The following TFEC variants were observed in gnomAD, a reference collection of about 807,000 sequenced individuals.
TFEC encodes the protein transcription factor EC.
Under a neutral mutation model 41.6 loss-of-function variants are expected in TFEC, and 31 were observed. The observed-to-expected ratio is 0.74, with a 90% confidence interval of 0.56 to 1.01. The LOEUF is 1.01. Ranked by LOEUF, TFEC falls within the 50% of genes least tolerant of loss-of-function variation. The probability of loss-of-function intolerance (pLI) is 0.00; values close to 1 mark genes in which losing one functional copy is unlikely to be tolerated. For synonymous variants in TFEC, 143 were observed against 140.6 expected, an observed-to-expected ratio of 1.02 and a Z score of -0.12; for missense variants, 402 against 404.1, an observed-to-expected ratio of 0.99 and a Z score of 0.04.
intron 3 of TFEC, among the ~76,000 whole-genome samples, chr7:116,101,091 T>C (rs901621770): frequency 7.2e-5 from 11 of 152,262 alleles, no homozygotes; most frequent in African/African-American, 2.6e-4. Flanking sequence ...CATTGCCTTT[T>C]TGGTATAAAC....
In TFEC at chr7:115,941,932, T is replaced by C. The variant is rs1442004016; in HGVS notation, c.624A>G (p.Lys208=). 28 of 1,613,204 alleles carry C rather than the reference T, an allele frequency of 1.7e-5. No homozygotes were observed. Among genetic ancestry groups the C allele is most frequent in the Admixed American group, 5.0e-5 (3 of 59,910 alleles). ...GAAGTCGCCTGTTAGCCTGCTCTAATTTCTTCTGTCTGTGTTCCAATTCTC... is the reference window on the plus strand; with the variant it reads ...GAAGTCGCCTGTTAGCCTGCTCTAACTTCTTCTGTCTGTGTTCCAATTCTC... The part of the protein sequence containing the change: ...RARELEHRQK[K]LEQANRRLLL... The change falls in exon 7 of 8, where the codon AAA becomes AAG. Residue 208 remains lysine, a synonymous_variant. Transcript: ENST00000265440.
At chr7:116,111,073 T>C in intron 2 of TFEC, 1 of 432,358 alleles carries the variant, frequency 2.3e-6, no homozygotes, top group Non-Finnish European at 4.0e-6. Flanking sequence ...TTAATGGTTA[T>C]GGTTCATCCA....
At chr7:116,092,414 T>C (rs984295884) in intron 3 of TFEC, among the ~76,000 whole-genome samples, 5 of 152,202 alleles carry the variant, frequency 3.3e-5, no homozygotes, top group Non-Finnish European at 7.4e-5. Flanking sequence ...CAAAAATCTT[T>C]GCAAATACAT....
intron 1 of TFEC, among the ~76,000 whole-genome samples, chr7:116,135,366 T>G (rs1798414200): frequency 6.6e-6 from 1 of 152,148 alleles, no homozygotes. Flanking sequence ...GTTCAAAAGT[T>G]GTACGATTAC....
rs1343125137 is a variant in TFEC, at chr7:115,940,607, A to C, written c.988T>G (p.Ser330Ala). The C allele has an allele frequency of 6.2e-7, 1 of 1,613,272 alleles. No homozygotes were observed. The highest frequency in any genetic ancestry group is 8.5e-7 in the Non-Finnish European group (1 of 1,179,610). Residue 330 changes from serine (S) to alanine (A), a missense_variant, in exon 8 of 8, where the codon TCC (serine) becomes GCC (alanine). Ser to Ala is a moderately conservative substitution (Grantham distance 99). Coordinates refer to ENST00000265440, the MANE Select transcript of TFEC (RefSeq NM_012252.4). ...PLLSATSPAV[S>A]KESSRRSSFS... ...CTACTTCTCCTACTGCTTTCTTTGG[A>C]AACTGCAGGGGAAGTGGCAGATAGC...
At chr7:115,962,340 A>G (rs1562893574) in intron 3 of TFEC, among the ~76,000 whole-genome samples, 1 of 151,804 alleles carries the variant, frequency 6.6e-6, no homozygotes, top group Non-Finnish European at 1.5e-5. Flanking sequence ...AGAAAAATGC[A>G]TTTTAAATTC....
intron 1 of TFEC, among the ~76,000 whole-genome samples, chr7:116,142,283 A>G (rs919362896): frequency 8.5e-5 from 13 of 152,156 alleles, no homozygotes; most frequent in African/African-American, 2.9e-4. Flanking sequence ...CTAGCCATAA[A>G]CTCGTAGAGG....
intron 3 of TFEC, among the ~76,000 whole-genome samples, chr7:116,059,313 C>A (rs533527959): frequency 1.3e-5 from 2 of 151,674 alleles, no homozygotes; most frequent in Non-Finnish European, 1.5e-5. Context: ...AAATAGATAA[C>A]CTAAATAATC....
chr7:116,109,288 C>T (rs1290386676), intron 3 of TFEC, among the ~76,000 whole-genome samples: 2 of 152,102 alleles, frequency 1.3e-5, no homozygotes, highest in African/African-American at 4.8e-5. Flanking sequence ...AAACAGGCAA[C>T]CTACAGAATG....
At chr7:116,096,328 G>C (rs1554418561) in intron 3 of TFEC, among the ~76,000 whole-genome samples, 1 of 152,074 alleles carries the variant, frequency 6.6e-6, no homozygotes, top group East Asian at 1.9e-4. Flanking sequence ...CTTCATACTT[G>C]TCAAATAGTC....
chr7:115,976,324 C>G (rs985519767), intron 2 of TFEC, among the ~76,000 whole-genome samples: 1 of 152,048 alleles, frequency 6.6e-6, no homozygotes, highest in African/African-American at 2.4e-5. Flanking sequence ...ACTTGGGAGG[C>G]TGAGGTGGGA....
intron 6 of TFEC, among the ~76,000 whole-genome samples, chr7:115,948,088 G>C (rs1018526450): frequency 6.6e-6 from 1 of 152,044 alleles, no homozygotes; most frequent in Non-Finnish European, 1.5e-5. Context: ...AAATAAACTA[G>C]AAAATCTAGA....
At chr7:115,980,593 T>C (rs1793581891) in intron 2 of TFEC, among the ~76,000 whole-genome samples, 1 of 151,834 alleles carries the variant, frequency 6.6e-6, no homozygotes, top group Non-Finnish European at 1.5e-5. Context: ...CTACTAAAAA[T>C]ACAAAAATTA....
In TFEC at chr7:116,111,031, G is replaced by A. The variant is rs527868328; in HGVS notation, c.-21-105C>T. On this transcript the variant is annotated intron_variant, in intron 2 of 8. Coordinates refer to the TFEC transcript ENST00000484212. ...AAAATAAATTTAGTAAATGATAAGG[G>A]AGGTATTTGAAATAGAAAACAAACT... 1.1e-5 allele frequency: 6 copies of A among 523,496 alleles called. No individual in the cohort carries two copies. The South Asian group carries it at 3.6e-4, about 32-fold the overall frequency. 32.4% of individuals were successfully genotyped at this position (523,496 alleles called of 1,614,324 possible). A position where few individuals can be genotyped will look rare whatever the true frequency, so the allele number is the denominator to read the frequency against.
chr7:115,944,587 T>C (rs550455645), intron 6 of TFEC, among the ~76,000 whole-genome samples: 1 of 151,802 alleles, frequency 6.6e-6, no homozygotes, highest in African/African-American at 2.4e-5. Context: ...GAATTCAAAG[T>C]GTCTTCAGGT....
At chr7:116,023,875 C>T (rs1016661581) in intron 1 of TFEC, among the ~76,000 whole-genome samples, 4 of 152,060 alleles carry the variant, frequency 2.6e-5, no homozygotes, top group Non-Finnish European at 4.4e-5. Context: ...TTTGACTTTT[C>T]GCCTCTCTGA....
chr7:116,009,320 A>G (rs1433034681), intron 1 of TFEC, among the ~76,000 whole-genome samples: 1 of 152,212 alleles, frequency 6.6e-6, no homozygotes, highest in Non-Finnish European at 1.5e-5. Context: ...TCAAAACAAT[A>G]CAACAGCCAT....
intron 3 of TFEC, among the ~76,000 whole-genome samples, chr7:115,970,341 C>A (rs2083690634): frequency 6.6e-6 from 1 of 151,874 alleles, no homozygotes; most frequent in African/African-American, 2.4e-5. Flanking sequence ...TATTGATTGG[C>A]TTGCTATTGA....
chr7:116,157,891 A>T (rs1028408286), intron 1 of TFEC, among the ~76,000 whole-genome samples: 7 of 152,132 alleles, frequency 4.6e-5, no homozygotes, highest in Non-Finnish European at 7.4e-5. Context: ...CCCCTGGAGG[A>T]CATGGCTGTA....
Sources: allele counts gnomAD v4.1 joint callset (sites outside exome capture counted in the v4.1 genomes callset), GRCh38; gene constraint gnomAD v4.1.1; transcripts MANE v1.5; gene names NCBI Gene and HGNC (gene_info 2026-07-23, HGNC 2026-07-21).